The following NUMB variants were observed in gnomAD, a reference collection of about 807,000 sequenced individuals.
The protein encoded by NUMB is NUMB endocytic adaptor protein, also known as protein numb homolog.
A neutral mutation model predicts 59.7 loss-of-function variants in NUMB; 29 were observed. The observed-to-expected ratio is 0.49, with a 90% CI of 0.36 to 0.66. NUMB has a LOEUF of 0.66. Among genes scored for constraint, NUMB ranks in the 30% least tolerant of loss-of-function variants. NUMB has a pLI of 0.00. For synonymous variants in NUMB, 288 were observed against 288.2 expected (o/e 1.00, Z 0.01); for missense variants, 723 against 822.0 (o/e 0.88, Z 1.47).
At chr14:73,298,204 G>C (rs1339875335) in intron 6 of NUMB, 1 of 152,332 alleles carries the variant, frequency 6.6e-6, no homozygotes, top group African/African-American at 2.4e-5. Flanking sequence ...TAATTTTAGA[G>C]ACGAGGTCTC....
chr14:73,344,293 G>A (rs1566751830), intron 4 of NUMB, among the ~76,000 whole-genome samples: 1 of 152,104 alleles, frequency 6.6e-6, no homozygotes, highest in Non-Finnish European at 1.5e-5. Context: ...ATTTTACATG[G>A]TAGGTCAGCC....
chr14:73,401,357 G>T (rs1896402274), intron 2 of NUMB, among the ~76,000 whole-genome samples: 2 of 151,332 alleles, frequency 1.3e-5, no homozygotes, highest in Non-Finnish European at 2.9e-5. Flanking sequence ...GCTCAATTTT[G>T]CTATAAACCT....
rs1269538116 is a variant in NUMB, at chr14:73,423,377, G to A, written c.-232-13309C>T. 2.7e-5 allele frequency among the ~76,000 whole-genome samples: 4 copies of A among 150,806 alleles called. No homozygotes were observed. The East Asian group carries it at 5.8e-4, about 22-fold the overall frequency. On this transcript the variant is annotated intron_variant, in intron 1 of 12. Transcript: ENST00000555238. ...AAACAAGCTGGGCACAGTGGCTCAC[G>A]CCTGTAATTCCAGCACTTTGGGAGA...
chr14:73,352,511 TATATATATATATATATATG>T lies in NUMB; in HGVS notation c.126+3096_126+3114del, dbSNP rs1566756310. ...ATATATATATATATATATATATATATATATATATATATATATATGTTTTTTTTTTTTTTTTTTTTTTGAG... is the reference window on the plus strand; with the variant it reads ...ATATATATATATATATATATATATATTTTTTTTTTTTTTTTTTTTTTTGAG... On this transcript the variant is annotated intron_variant, in intron 4 of 12. Transcript: ENST00000555238. Among the ~76,000 whole-genome samples the T allele has an allele frequency of 2.6e-3, 51 of 19,748 alleles. 7 individuals are homozygous for T. The highest frequency in any genetic ancestry group is 3.9e-3 in the South Asian group (3 of 770). The allele number at this position is 19,748 out of a possible 152,430, so 13.0% of individuals were successfully genotyped here. A position where few individuals can be genotyped will look rare whatever the true frequency, so the allele number is the denominator to read the frequency against.
chr14:73,303,153 G>A (rs1890243394), intron 6 of NUMB, among the ~76,000 whole-genome samples: 1 of 152,182 alleles, frequency 6.6e-6, no homozygotes, highest in Admixed American at 6.5e-5. Flanking sequence ...GGGAGGTGGA[G>A]GTTGCAGTGA....
At chr14:73,353,599 CT>C (rs374060955) in intron 4 of NUMB, among the ~76,000 whole-genome samples, 3,679 of 127,408 alleles carry the variant, frequency 0.029, 43 homozygotes, top group Middle Eastern at 0.055. Context: ...GTAATCCCAG[CT>C]ACTCGGGAGG....
At chr14:73,281,098 G>A (rs1888607155) in intron 11 of NUMB, among the ~76,000 whole-genome samples, 1 of 152,120 alleles carries the variant, frequency 6.6e-6, no homozygotes, top group Non-Finnish European at 1.5e-5. Flanking sequence ...TAAAGGCAGG[G>A]AAAGGAAACT....
intron 6 of NUMB, among the ~76,000 whole-genome samples, chr14:73,315,284 T>C (rs1454465096): frequency 6.6e-6 from 1 of 152,184 alleles, no homozygotes; most frequent in Non-Finnish European, 1.5e-5. Flanking sequence ...TAGGATTTTG[T>C]TAATCACATA....
chr14:73,374,111 C>T (rs1424162153), intron 2 of NUMB, among the ~76,000 whole-genome samples: 1 of 152,110 alleles, frequency 6.6e-6, no homozygotes, highest in African/African-American at 2.4e-5. Flanking sequence ...CTTAGGTGAT[C>T]CGCCCACCTT....
intron 2 of NUMB, among the ~76,000 whole-genome samples, chr14:73,389,290 AAAACAAAAAC>A (rs1483283877): frequency 1.5e-4 from 13 of 88,478 alleles, no homozygotes; most frequent in African/African-American, 8.6e-4. Context: ...AAAAAAAAAA[AAAACAAAAAC>A]AAAAACACTG....
intron 8 of NUMB, among the ~76,000 whole-genome samples, chr14:73,288,963 C>G (rs1183936152): frequency 6.6e-6 from 1 of 151,632 alleles, no homozygotes; most frequent in Non-Finnish European, 1.5e-5. Context: ...TCACTTAAGC[C>G]TACAGTAAGC....
chr14:73,414,043 C>T (rs543800497), intron 1 of NUMB, among the ~76,000 whole-genome samples: 5 of 152,002 alleles, frequency 3.3e-5, no homozygotes, highest in Middle Eastern at 3.4e-3. Flanking sequence ...CAACCTCCAC[C>T]TCTCGGGTTC....
intron 1 of NUMB, among the ~76,000 whole-genome samples, chr14:73,410,661 A>G (rs1896856625): frequency 6.6e-6 from 1 of 152,226 alleles, no homozygotes; most frequent in Non-Finnish European, 1.5e-5. Flanking sequence ...TGTGAAAGTA[A>G]CAGTAGATGG....
chr14:73,406,804 T>C (rs1896692723), intron 2 of NUMB, among the ~76,000 whole-genome samples: 1 of 152,186 alleles, frequency 6.6e-6, no homozygotes, highest in Non-Finnish European at 1.5e-5. Context: ...TGTGAGATGG[T>C]ATCTCACTGT....
chr14:73,374,969 C>G (rs1382570447), intron 2 of NUMB, among the ~76,000 whole-genome samples: 2 of 151,984 alleles, frequency 1.3e-5, no homozygotes, highest in Non-Finnish European at 2.9e-5. Flanking sequence ...GATCTGCCCG[C>G]TTCGGACACC....
intron 7 of NUMB, among the ~76,000 whole-genome samples, chr14:73,293,291 A>G (rs1889520871): frequency 6.6e-6 from 1 of 151,802 alleles, no homozygotes; most frequent in Non-Finnish European, 1.5e-5. Flanking sequence ...ACACATACAC[A>G]CAGTTCTGCA....
rs527839480 is a variant in NUMB at position 73,295,686 on chromosome 14, C to A, written c.309+1525G>T. Among the ~76,000 whole-genome samples, 27 of 152,252 alleles carry A rather than the reference C, an allele frequency of 1.8e-4. No individual in the cohort carries two copies. The South Asian group carries it at 5.6e-3, about 32-fold the overall frequency. Reference sequence around the variant, plus strand: ...CTTTTTACCTGCCAGACTTTCTCCCCTTTCAGTGGCATTTGAATTTTTTTT... The same window carrying A: ...CTTTTTACCTGCCAGACTTTCTCCCATTTCAGTGGCATTTGAATTTTTTTT... On this transcript the variant is annotated intron_variant, in intron 7 of 12. Transcript: ENST00000555238.
At chr14:73,457,705 G>A (rs1436684494) in intron 1 of NUMB, 1 of 152,304 alleles carries the variant, frequency 6.6e-6, no homozygotes, top group Non-Finnish European at 1.5e-5. Flanking sequence ...GGAGCGGCCA[G>A]GCCAGTTGGG....
chr14:73,324,088 G>C (rs1275657373), intron 4 of NUMB, among the ~76,000 whole-genome samples: 1 of 152,152 alleles, frequency 6.6e-6, no homozygotes. Flanking sequence ...CCCTCCCTGG[G>C]AATCTTATCA....
Sources: gnomAD v4.1 joint callset for allele counts (sites outside exome capture counted in the v4.1 genomes callset) on GRCh38, gnomAD v4.1.1 for gene constraint, MANE v1.5 for transcripts, NCBI Gene and HGNC (gene_info 2026-07-23, HGNC 2026-07-21) for gene names.